Variants in PDIA3 observed in about 807,000 individuals in gnomAD.
PDIA3 encodes the protein protein disulfide isomerase family A member 3.
A neutral mutation model predicts 56.9 loss-of-function variants in PDIA3; 16 were observed. That is an observed-to-expected ratio of 0.28 (90% CI 0.19 to 0.43). PDIA3 has a LOEUF of 0.43. Ranked by LOEUF, PDIA3 falls within the 20% of genes least tolerant of loss-of-function variation. The pLI is 1.00. For synonymous variants in PDIA3, 192 were observed against 216.5 expected (o/e 0.89, Z 0.99); for missense variants, 485 against 621.3 (o/e 0.78, Z 2.33).
chr15:43,759,345 G>C (rs952039716), intron 3 of PDIA3, among the ~76,000 whole-genome samples: 1 of 152,080 alleles, frequency 6.6e-6, no homozygotes, highest in African/African-American at 2.4e-5. Flanking sequence ...GCTTCTGTAT[G>C]CCCACTTCTG....
chr15:43,746,644 C>G lies in PDIA3; in HGVS notation c.105C>G (p.Phe35Leu). ...TGCTAGAACTCACGGACGACAACTTCGAGAGTCGCATCTCCGACACGGGCT... is the reference window on the plus strand; with the variant it reads ...TGCTAGAACTCACGGACGACAACTTGGAGAGTCGCATCTCCGACACGGGCT... Reference protein sequence around the residue: ...SDVLELTDDNFESRISDTGSA... With the variant: ...SDVLELTDDNLESRISDTGSA... The change falls in exon 1 of 13, where the codon TTC (phenylalanine) becomes TTG (leucine). Residue 35 changes from phenylalanine (F) to leucine (L), a missense_variant. Transcript: ENST00000300289. 6.2e-7 allele frequency: 1 copy of G among 1,612,972 alleles called. No individual in the cohort carries two copies. Among genetic ancestry groups the G allele is most frequent in the Non-Finnish European group, 8.5e-7 (1 of 1,179,906 alleles).
rs142785041 is a variant in PDIA3, at chr15:43,757,849, G to A, written c.364+1083G>A. ...AGCACTCCAGCCTGGGCAACAGAGC[G>A]AGACTCCATCTCCACACACACAAAG... On this transcript the variant is annotated intron_variant, in intron 3 of 12. Transcript: ENST00000300289. 9.4e-3 allele frequency among the ~76,000 whole-genome samples: 1,418 copies of A among 151,636 alleles called. 28 individuals carry two copies. The highest frequency in any genetic ancestry group is 0.033 in the African/African-American group (1,361 of 41,282).
At chr15:43,765,761 G>A in intron 6 of PDIA3, 126 bp from the exon 7 acceptor site, 1 of 1,034,530 alleles carries the variant, frequency 9.7e-7, no homozygotes, top group Non-Finnish European at 1.5e-6. Context: ...GGTATATATT[G>A]CTCAGTACTT....
At chr15:43,767,185 A>G (rs905658471) in intron 8 of PDIA3, among the ~76,000 whole-genome samples, 2 of 151,940 alleles carry the variant, frequency 1.3e-5, no homozygotes, top group African/African-American at 4.8e-5. Flanking sequence ...CCCCGTCTCT[A>G]CTAAAAATGC....
Position 43,763,210 on chromosome 15 carries a change from A to T in PDIA3, c.602+4A>T, listed in dbSNP as rs746701673. 1 of 1,613,140 alleles carries T rather than the reference A, an allele frequency of 6.2e-7. No individual in the cohort carries two copies. Among genetic ancestry groups the T allele is most frequent in the East Asian group, 2.2e-5 (1 of 44,854 alleles). ...ACGAGTATGATGATAATGGAGAGTA[A>T]GTGACTGAGTTGAATCTCCTGACCA... On this transcript the variant is annotated splice_donor_region_variant and intron_variant, in intron 5 of 12. Coordinates refer to ENST00000300289, the MANE Select transcript of PDIA3 (RefSeq NM_005313.5).
rs1186122451 is a variant in PDIA3 at position 43,766,029 on chromosome 15, T to A, written c.845+17T>A. On this transcript the variant is annotated intron_variant, in intron 7 of 12. Transcript: ENST00000300289. The stretch of plus-strand genomic sequence containing the variant: ...GAGAAACAGGTAATAAGAATTATGT[T>A]TTTCCCTCATGAACAAGTTTACCCA... 3 of 1,611,618 alleles carry A rather than the reference T, an allele frequency of 1.9e-6. No individual in the cohort carries two copies. In the South Asian group the frequency reaches 3.3e-5, roughly 18 times the overall value.
intron 9 of PDIA3, among the ~76,000 whole-genome samples, chr15:43,768,933 A>G (rs921206457): frequency 3.9e-5 from 6 of 151,928 alleles, no homozygotes; most frequent in African/African-American, 1.2e-4. Flanking sequence ...CTGAGGCAGG[A>G]GAATCGCCTG....
At chr15:43,757,592 G>A (rs1567156658) in intron 3 of PDIA3, among the ~76,000 whole-genome samples, 1 of 150,670 alleles carries the variant, frequency 6.6e-6, no homozygotes, top group Non-Finnish European at 1.5e-5. Context: ...CAGGCACAGT[G>A]GCTCACACCT....
intron 8 of PDIA3, among the ~76,000 whole-genome samples, chr15:43,767,978 G>T (rs2086858860): frequency 6.6e-6 from 1 of 151,920 alleles, no homozygotes; most frequent in Non-Finnish European, 1.5e-5. Flanking sequence ...AAAAAAGATT[G>T]AACAGTCTCC....
intron 2 of PDIA3, among the ~76,000 whole-genome samples, chr15:43,755,674 G>A (rs912890554): frequency 6.6e-6 from 1 of 152,142 alleles, no homozygotes; most frequent in East Asian, 1.9e-4. Context: ...AGCACTTTGG[G>A]AGGCCAAGGC....
intron 1 of PDIA3, among the ~76,000 whole-genome samples, chr15:43,752,224 C>T (rs2086749074): frequency 6.6e-6 from 1 of 152,190 alleles, no homozygotes. Flanking sequence ...ATCTTAAATA[C>T]CCTGCCCTCT....
At chr15:43,756,516 A>G in intron 2 of PDIA3, 133 bp from the exon 3 acceptor site, 1 of 647,882 alleles carries the variant, frequency 1.5e-6, no homozygotes, top group Non-Finnish European at 2.8e-6. Context: ...TTAAAATCTA[A>G]TGTTCTGTGG....
chr15:43,765,646 AT>A, intron 6 of PDIA3, 80 bp downstream of exon 6: 1 of 999,710 alleles, frequency 1.0e-6, no homozygotes, highest in Non-Finnish European at 1.6e-6. Flanking sequence ...GCCGAGCTAT[AT>A]TTTGGCGTAA....
rs1261282780 is a variant in PDIA3, at chr15:43,764,942, A to G, written c.603-508A>G. The stretch of plus-strand genomic sequence containing the variant: ...TCTAACCCAAAATTTAGTAAACCCT[A>G]TACCCAATTATTGCACTTAAGATTA... On this transcript the variant is annotated intron_variant, in intron 5 of 12. Transcript: ENST00000300289. Among the ~76,000 whole-genome samples, 4 of 152,214 alleles carry G rather than the reference A, an allele frequency of 2.6e-5. No homozygotes were observed. In the South Asian group the frequency reaches 6.2e-4, roughly 24 times the overall value.
Position 43,765,453 on chromosome 15 carries a change from T to C in PDIA3, c.606T>C (p.Gly202=), listed in dbSNP as rs754747637. 15 of 1,550,282 alleles carry C rather than the reference T, an allele frequency of 9.7e-6. No individual in the cohort carries two copies. The highest frequency in any genetic ancestry group is 3.5e-4 in the Middle Eastern group (2 of 5,752). ...LVNEYDDNGE[G]IILFRPSHLT... is the part of the protein sequence containing the mutation. ...ACTTTTCTTTTTTTTTTTTAAGGGG[T>C]ATCATCTTATTTCGTCCTTCACATC... The change falls in exon 6 of 13, where the codon GGT becomes GGC. Residue 202 remains glycine, a synonymous_variant. Transcript: ENST00000300289.
Position 43,770,240 on chromosome 15 carries a change from T to C in PDIA3, c.1267-10T>C. ...TTGAAATGTAAACATTTAACCTGTT[T>C]TATTAACAGCTCAGCAAAGACCCAA... On this transcript the variant is annotated splice_polypyrimidine_tract_variant and intron_variant, in intron 10 of 12. Coordinates refer to ENST00000300289, the MANE Select transcript of PDIA3 (RefSeq NM_005313.5). 1 of 1,610,222 alleles carries C rather than the reference T, an allele frequency of 6.2e-7. No individual in the cohort carries two copies. The highest frequency in any genetic ancestry group is 8.5e-7 in the Non-Finnish European group (1 of 1,176,482).
chr15:43,750,138 G>A (rs115960942), intron 1 of PDIA3, among the ~76,000 whole-genome samples: 3 of 146,916 alleles, frequency 2.0e-5, no homozygotes, highest in Non-Finnish European at 4.5e-5. Context: ...GCGCGATCCC[G>A]GCTCTGCAAC....
intron 4 of PDIA3, among the ~76,000 whole-genome samples, chr15:43,762,363 T>G (rs959095041): frequency 1.3e-5 from 2 of 152,050 alleles, no homozygotes; most frequent in Admixed American, 1.3e-4. Flanking sequence ...AATACAAAAT[T>G]AGCCGAGCAT....
At chr15:43,761,595 C>G in intron 4 of PDIA3, 64 bp downstream of exon 4, 1 of 859,028 alleles carries the variant, frequency 1.2e-6, no homozygotes, top group Non-Finnish European at 1.9e-6. Flanking sequence ...CCCTCCATGT[C>G]TGGGAAAACC....
Sources: allele counts gnomAD v4.1 joint callset (sites outside exome capture counted in the v4.1 genomes callset), GRCh38; gene constraint gnomAD v4.1.1; transcripts MANE v1.5; gene names NCBI Gene and HGNC (gene_info 2026-07-23, HGNC 2026-07-21).